Variants in FBXW7 observed in about 807,000 individuals in gnomAD.
FBXW7 encodes F-box/WD repeat-containing protein 7.
A neutral mutation model predicts 86.3 loss-of-function variants in FBXW7; 11 were observed. The ratio of observed to expected loss-of-function variants is 0.13; its 90% CI spans 0.08 to 0.21. The LOEUF (loss-of-function observed/expected upper bound fraction) is 0.21, where lower values mean the gene tolerates loss of function less well. FBXW7 is among the 10% of genes least tolerant of loss of function. FBXW7 has a pLI of 1.00. For missense variants in FBXW7, 488 were observed against 847.4 expected (o/e 0.58, Z 5.27); for synonymous variants, 313 against 297.9 (o/e 1.05, Z -0.52).
chr4:152,372,082 A>G (rs994295887), intron 4 of FBXW7, among the ~76,000 whole-genome samples: 4 of 152,058 alleles, frequency 2.6e-5, no homozygotes, highest in African/African-American at 7.2e-5. Context: ...CATTTAAAGA[A>G]TAAGTCTATT....
At chr4:152,377,814 C>G (rs1734694656) in intron 4 of FBXW7, among the ~76,000 whole-genome samples, 1 of 149,596 alleles carries the variant, frequency 6.7e-6, no homozygotes, top group Non-Finnish European at 1.5e-5. Flanking sequence ...CTTCCTCCCA[C>G]AAACACAAAG....
chr4:152,393,178 A>C (rs1194260939), intron 4 of FBXW7, among the ~76,000 whole-genome samples: 5 of 152,138 alleles, frequency 3.3e-5, no homozygotes, highest in Non-Finnish European at 7.4e-5. Flanking sequence ...AAGGTGAAAA[A>C]AATCAATATT....
intron 2 of FBXW7, among the ~76,000 whole-genome samples, chr4:152,476,792 C>T (rs566879709): frequency 6.6e-6 from 1 of 152,236 alleles, no homozygotes; most frequent in African/African-American, 2.4e-5. Context: ...TGTTTCTGCA[C>T]CTCTTAGGAG....
intron 2 of FBXW7, among the ~76,000 whole-genome samples, chr4:152,432,724 A>G (rs758502151): frequency 2.1e-4 from 32 of 152,206 alleles, no homozygotes; most frequent in Non-Finnish European, 3.5e-4. Context: ...AGGCAGGAGA[A>G]TCACTTGAAC....
intron 2 of FBXW7, among the ~76,000 whole-genome samples, chr4:152,534,519 G>A (rs1276805419): frequency 6.6e-6 from 1 of 152,070 alleles, no homozygotes; most frequent in Non-Finnish European, 1.5e-5. Context: ...TTTACTTTCA[G>A]GGGTCCACAG....
chr4:152,333,284 T>C (rs773851476), intron 7 of FBXW7, among the ~76,000 whole-genome samples: 2 of 152,156 alleles, frequency 1.3e-5, no homozygotes, highest in African/African-American at 4.8e-5. Flanking sequence ...AACCATTCCA[T>C]AGACATATAA....
intron 4 of FBXW7, among the ~76,000 whole-genome samples, chr4:152,400,308 T>G (rs528958838): frequency 6.6e-5 from 10 of 152,302 alleles, no homozygotes; most frequent in African/African-American, 2.4e-4. Context: ...GACATAAATG[T>G]AAAGTGCAGA....
intron 2 of FBXW7, among the ~76,000 whole-genome samples, chr4:152,498,554 T>A (rs146521292): frequency 2.6e-5 from 4 of 152,190 alleles, no homozygotes; most frequent in Non-Finnish European, 5.9e-5. Flanking sequence ...AGACATTCTG[T>A]TGGACAATGC....
chr4:152,517,632 A>G (rs1748617818), intron 2 of FBXW7, among the ~76,000 whole-genome samples: 1 of 152,192 alleles, frequency 6.6e-6, no homozygotes, highest in African/African-American at 2.4e-5. Flanking sequence ...TCTATGCCAA[A>G]TTTTCAGCTA....
intron 2 of FBXW7, among the ~76,000 whole-genome samples, chr4:152,531,350 C>G (rs1750009621): frequency 6.6e-6 from 1 of 152,154 alleles, no homozygotes; most frequent in African/African-American, 2.4e-5. Flanking sequence ...GTTGAAACAT[C>G]TCTTCCCCAG....
intron 2 of FBXW7, among the ~76,000 whole-genome samples, chr4:152,427,960 C>G (rs1739533071): frequency 6.6e-6 from 1 of 152,162 alleles, no homozygotes; most frequent in African/African-American, 2.4e-5. Context: ...GGTCCCCAGA[C>G]CAAATTTTAA....
At chr4:152,433,497 C>T (rs777968911) in intron 2 of FBXW7, among the ~76,000 whole-genome samples, 10 of 152,206 alleles carry the variant, frequency 6.6e-5, no homozygotes, top group Non-Finnish European at 1.3e-4. Context: ...TAACCCTTCT[C>T]ATATCTTCTT....
chr4:152,379,774 C>T (rs1329974328), intron 4 of FBXW7, among the ~76,000 whole-genome samples: 2 of 152,246 alleles, frequency 1.3e-5, no homozygotes, highest in East Asian at 3.9e-4. Context: ...TATAAATTAT[C>T]TCAGATGAGC....
chr4:152,370,994 C>T (rs903838596), intron 4 of FBXW7, among the ~76,000 whole-genome samples: 3 of 151,378 alleles, frequency 2.0e-5, no homozygotes, highest in Non-Finnish European at 4.4e-5. Context: ...GAGTAAAACA[C>T]TATATATACA....
chr4:152,533,866 A>C (rs1014314271), intron 2 of FBXW7, among the ~76,000 whole-genome samples: 21 of 152,246 alleles, frequency 1.4e-4, no homozygotes, highest in African/African-American at 4.3e-4. Context: ...AGAACTTCGA[A>C]AAGAGAGATA....
intron 7 of FBXW7, chr4:152,337,562 C>A (rs1730259356): frequency 8.5e-6 from 3 of 353,506 alleles, no homozygotes; most frequent in Non-Finnish European, 1.5e-5. Context: ...GTTACTCTCA[C>A]ATATATGACT....
At position 152,535,563 on chromosome 4, in the gene FBXW7, C is replaced by G. The variant is rs996912856; in HGVS notation, c.-649G>C. ...CACTCCGGGGCAAGATGCTACGGCC[C>G]CGGGCGGGTGGCCGAGTCGGCGGCA... is the stretch of plus-strand genomic sequence containing the variant. On this transcript the variant is annotated 5_prime_UTR_variant, in exon 1 of 14. Coordinates refer to ENST00000281708, the MANE Select transcript of FBXW7 (RefSeq NM_001349798.2). The G allele has an allele frequency of 2.5e-6, 1 of 396,534 alleles. No individual in the cohort carries two copies. Among genetic ancestry groups the G allele is most frequent in the African/African-American group, 2.1e-5 (1 of 48,462 alleles). The allele number at this position is 396,534 out of a possible 1,614,324, so 24.6% of individuals were successfully genotyped here.
intron 2 of FBXW7, among the ~76,000 whole-genome samples, chr4:152,416,674 A>G (rs1738462912): frequency 6.6e-6 from 1 of 152,328 alleles, no homozygotes; most frequent in Non-Finnish European, 1.5e-5. Context: ...AAGTGTCATC[A>G]TATACACAGA....
chr4:152,503,413 A>G (rs1261103395), intron 2 of FBXW7, among the ~76,000 whole-genome samples: 1 of 151,888 alleles, frequency 6.6e-6, no homozygotes, highest in African/African-American at 2.4e-5. Flanking sequence ...GGCATTACAG[A>G]TGCACACCAC....
Sources: allele counts gnomAD v4.1 joint callset (sites outside exome capture counted in the v4.1 genomes callset), GRCh38; gene constraint gnomAD v4.1.1; transcripts MANE v1.5; gene names NCBI Gene and HGNC (gene_info 2026-07-23, HGNC 2026-07-21).